Variants in KDM4C observed in about 807,000 individuals in gnomAD.
KDM4C encodes the protein lysine-specific demethylase 4C.
A neutral mutation model predicts 129.3 loss-of-function variants in KDM4C; 81 were observed. That is an observed-to-expected ratio of 0.63 (90% CI 0.52 to 0.75). The LOEUF is 0.75. Among genes scored for constraint, KDM4C ranks in the 30% least tolerant of loss-of-function variants. KDM4C has a pLI of 0.00. For synonymous variants in KDM4C, 573 were observed against 456.1 expected (o/e 1.26, Z -3.26); for missense variants, 1,457 against 1,304.0 (o/e 1.12, Z -1.81).
intron 18 of KDM4C, 122 bp downstream of exon 18, chr9:7,103,992 C>T (rs1407525676): frequency 3.4e-6 from 3 of 881,254 alleles, no homozygotes; most frequent in Non-Finnish European, 1.7e-6. Flanking sequence ...CATGTCTAGA[C>T]CGTGAGTTCC....
intron 1 of KDM4C, among the ~76,000 whole-genome samples, chr9:6,778,568 A>T (rs1823597971): frequency 6.8e-6 from 1 of 146,660 alleles, no homozygotes; most frequent in African/African-American, 2.5e-5. Context: ...GGAGTTTGAG[A>T]CCAGCCTGAC....
chr9:6,746,262 G>GTTTT (rs778939269), intron 1 of KDM4C, among the ~76,000 whole-genome samples: 3 of 61,194 alleles, frequency 4.9e-5, no homozygotes, highest in Non-Finnish European at 8.5e-5. Flanking sequence ...ATATATATAT[G>GTTTT]TTTTTTTTTT....
intron 1 of KDM4C, among the ~76,000 whole-genome samples, chr9:6,733,127 C>T (rs1456859098): frequency 6.6e-6 from 1 of 152,206 alleles, no homozygotes; most frequent in East Asian, 1.9e-4. Context: ...AAGTTTGTAA[C>T]TGACAAGTTT....
At chr9:6,920,246 A>G (rs1821233782) in intron 8 of KDM4C, among the ~76,000 whole-genome samples, 1 of 152,308 alleles carries the variant, frequency 6.6e-6, no homozygotes, top group South Asian at 2.1e-4. Context: ...CAGTTGTGCC[A>G]TGACTCATGA....
chr9:6,844,643 G>A (rs945650623), intron 4 of KDM4C, among the ~76,000 whole-genome samples: 1 of 152,222 alleles, frequency 6.6e-6, no homozygotes, highest in African/African-American at 2.4e-5. Context: ...TTAAGAGCTA[G>A]AGTTAAAGAG....
intron 1 of KDM4C, among the ~76,000 whole-genome samples, chr9:6,772,393 C>G (rs951257023): frequency 1.3e-5 from 2 of 148,556 alleles, no homozygotes. Context: ...CGGCGTCTTG[C>G]TCTTGTTGCC....
At chr9:6,863,265 G>A (rs901115638) in intron 5 of KDM4C, among the ~76,000 whole-genome samples, 5 of 151,910 alleles carry the variant, frequency 3.3e-5, no homozygotes, top group African/African-American at 1.2e-4. Context: ...TTTTTGAGAT[G>A]TTTTTCTTTG....
intron 17 of KDM4C, among the ~76,000 whole-genome samples, chr9:7,089,878 A>C (rs1460360175): frequency 1.3e-5 from 2 of 152,232 alleles, no homozygotes; most frequent in African/African-American, 4.8e-5. Flanking sequence ...ATGAGAGGTC[A>C]GAGTTCTCAT....
intron 12 of KDM4C, among the ~76,000 whole-genome samples, chr9:7,011,396 A>G (rs1421633828): frequency 6.6e-6 from 1 of 152,090 alleles, no homozygotes; most frequent in Non-Finnish European, 1.5e-5. Context: ...AGCAGTAGAG[A>G]CACGGAAGAA....
chr9:6,763,946 G>C (rs1281041973), intron 1 of KDM4C, among the ~76,000 whole-genome samples: 1 of 152,050 alleles, frequency 6.6e-6, no homozygotes, highest in Admixed American at 6.6e-5. Context: ...TAGTAGAGAC[G>C]GAGGGTTTCT....
intron 7 of KDM4C, among the ~76,000 whole-genome samples, chr9:6,889,211 T>TGTGTGTG (rs1845737956): frequency 4.4e-4 from 27 of 61,616 alleles, no homozygotes; most frequent in African/African-American, 1.7e-3. Flanking sequence ...GGCCTTCTTT[T>TGTGTGTG]TGTGTGTGTG....
intron 1 of KDM4C, among the ~76,000 whole-genome samples, chr9:6,740,778 C>T (rs1004733783): frequency 4.0e-5 from 6 of 150,990 alleles, no homozygotes; most frequent in Non-Finnish European, 8.8e-5. Flanking sequence ...CTCAGCCTCC[C>T]AAAGTGCTGG....
At chr9:6,819,676 C>G (rs573463513) in intron 4 of KDM4C, among the ~76,000 whole-genome samples, 1 of 152,240 alleles carries the variant, frequency 6.6e-6, no homozygotes, top group Non-Finnish European at 1.5e-5. Context: ...TGTATTTACC[C>G]GCCTTGAGGT....
intron 8 of KDM4C, among the ~76,000 whole-genome samples, chr9:6,893,847 T>C (rs536813299): frequency 3.3e-5 from 5 of 152,220 alleles, no homozygotes; most frequent in Non-Finnish European, 7.4e-5. Flanking sequence ...CAATAACTTC[T>C]ATTAAATTTA....
At chr9:6,817,289 C>A (rs1286972046) in intron 4 of KDM4C, among the ~76,000 whole-genome samples, 1 of 146,394 alleles carries the variant, frequency 6.8e-6, no homozygotes, top group Non-Finnish European at 1.5e-5. Flanking sequence ...GCAGCCTTGA[C>A]CTCCTGGGTT....
intron 12 of KDM4C, among the ~76,000 whole-genome samples, chr9:7,007,900 T>C (rs1821975794): frequency 6.6e-6 from 1 of 152,104 alleles, no homozygotes; most frequent in Non-Finnish European, 1.5e-5. Context: ...AAAAAATAAT[T>C]AGAAACATCA....
At chr9:6,980,888 G>A (rs934628464) in intron 8 of KDM4C, 37 bp from the exon 9 acceptor site, 17 of 1,596,206 alleles carry the variant, frequency 1.1e-5, no homozygotes, top group African/African-American at 2.7e-5. Context: ...TATAGTTAGC[G>A]AAACGTTTAA....
At chr9:6,749,271 A>C (rs1242085430) in intron 1 of KDM4C, among the ~76,000 whole-genome samples, 1 of 152,146 alleles carries the variant, frequency 6.6e-6, no homozygotes, top group East Asian at 1.9e-4. Context: ...CACTCACCTC[A>C]GCCTCCCAAA....
At chr9:6,802,085 A>G (rs1363274144) in intron 2 of KDM4C, among the ~76,000 whole-genome samples, 1 of 151,082 alleles carries the variant, frequency 6.6e-6, no homozygotes, top group Non-Finnish European at 1.5e-5. Context: ...AGCCTGGGGA[A>G]CAAAAGAGAA....
Sources: allele counts gnomAD v4.1 joint callset (sites outside exome capture counted in the v4.1 genomes callset), GRCh38; gene constraint gnomAD v4.1.1; transcripts MANE v1.5; gene names NCBI Gene and HGNC (gene_info 2026-07-23, HGNC 2026-07-21).